The following CARMIL3 variants were observed in gnomAD, a reference collection of about 807,000 sequenced individuals.
The protein encoded by CARMIL3 is capping protein, Arp2/3 and myosin-I linker protein 3.
Under a neutral mutation model 180.8 loss-of-function variants are expected in CARMIL3, and 88 were observed. The observed-to-expected ratio is 0.49, with a 90% CI of 0.41 to 0.58. The LOEUF is 0.58. Among genes scored for constraint, CARMIL3 ranks in the 20% least tolerant of loss-of-function variants. The probability of loss-of-function intolerance (pLI) is 0.00; values close to 1 mark genes in which losing one functional copy is unlikely to be tolerated. For missense variants in CARMIL3, 1,548 were observed against 1,787.0 expected (o/e 0.87, Z 2.41); for synonymous variants, 696 against 714.5 (o/e 0.97, Z 0.41).
rs1276203472 is a variant in CARMIL3 at position 24,066,675 on chromosome 14, C to T, written c.3682+19C>T. 7 of 1,612,704 alleles carry T rather than the reference C, an allele frequency of 4.3e-6. No homozygotes were observed. The highest frequency in any genetic ancestry group is 5.9e-6 in the Non-Finnish European group (7 of 1,178,898). On this transcript the variant is annotated intron_variant, in intron 36 of 39. Transcript: ENST00000342740. ...CACATAGGTATGGAAAGCCTCTTTT[C>T]AGGCAGCAGTACTGAAAGCCCAGGG...
rs2035775186 is a variant in CARMIL3, at chr14:24,065,283, G to T, written c.3396+10G>T. On this transcript the variant is annotated intron_variant, in intron 33 of 39. Transcript: ENST00000342740. ...CTTCCGCCGGAAGATGGTAAGTGAGGCAGGGGGTGCTGTGTCTTCCCCTTT... is the reference window on the plus strand; with the variant it reads ...CTTCCGCCGGAAGATGGTAAGTGAGTCAGGGGGTGCTGTGTCTTCCCCTTT... 1 of 1,518,042 alleles carries T rather than the reference G, an allele frequency of 6.6e-7. No individual in the cohort carries two copies. Among genetic ancestry groups the T allele is most frequent in the Non-Finnish European group, 8.8e-7 (1 of 1,140,934 alleles). The allele number at this position is 1,518,042 out of a possible 1,614,324, so 94.0% of individuals were successfully genotyped here. A position where few individuals can be genotyped will look rare whatever the true frequency, so the allele number is the denominator to read the frequency against.
At position 24,066,479 on chromosome 14, in the gene CARMIL3, A is replaced by G; in HGVS notation, c.3592+15A>G. On this transcript the variant is annotated intron_variant, in intron 35 of 39. Transcript: ENST00000342740. ...AGACGACGCAGGTAAGAACAGTCAC[A>G]TTCAAAGCCCTTTTGGACCCCTCTC... The G allele has an allele frequency of 6.2e-7, 1 of 1,614,156 alleles. No homozygotes were observed. The highest frequency in any genetic ancestry group is 8.5e-7 in the Non-Finnish European group (1 of 1,179,974).
chr14:24,061,894 C>G lies in CARMIL3; in HGVS notation c.2480+222C>G. On this transcript the variant is annotated intron_variant, in intron 27 of 39. Transcript: ENST00000342740. This position sits in a 1 kb window ranked among gnomAD's most constrained non-coding sequence, Gnocchi z 4.1. ...TTTAGGAGCCAAGTTTGTGCCCACA[C>G]AGGTGTACACACACATACCCACACA... 1.8e-6 allele frequency: 1 copy of G among 553,520 alleles called. No homozygotes were observed. The highest frequency in any genetic ancestry group is 3.1e-5 in the East Asian group (1 of 32,142). 34.3% of individuals were successfully genotyped at this position (553,520 alleles called of 1,614,324 possible).
rs570077108 is a variant in CARMIL3 at position 24,057,092 on chromosome 14, T to C, written c.1062+68T>C. The C allele has an allele frequency of 5.0e-6, 8 of 1,594,356 alleles. No homozygotes were observed. In the South Asian group the frequency reaches 9.0e-5, roughly 18 times the overall value. On this transcript the variant is annotated intron_variant, in intron 13 of 39. Transcript: ENST00000342740. ...TTAAGCTTCAGGAGCTGGGAGGCCT[T>C]CTGCCCCATGGCCTCTGGGGGTGGC...
chr14:24,060,487 C>A, intron 24 of CARMIL3, 141 bp from the exon 25 acceptor site: 3 of 1,314,566 alleles, frequency 2.3e-6, no homozygotes, highest in East Asian at 2.3e-5. Context: ...TTCAAGAAGG[C>A]TGTAGCAATG....
rs2035714155 is a variant in CARMIL3, at chr14:24,059,879, C to T, written c.1869-91C>T. ...GGCCATGGAAGACAGAAATGATGAG[C>T]AAGGGGGCTGGAGGGCTGCTCACCA... On this transcript the variant is annotated intron_variant, in intron 22 of 39. Coordinates refer to ENST00000342740, the MANE Select transcript of CARMIL3 (RefSeq NM_138360.4). This position sits in a 1 kb window ranked among gnomAD's most constrained non-coding sequence, Gnocchi z 6.3. 6 of 1,539,706 alleles carry T rather than the reference C, an allele frequency of 3.9e-6. No individual in the cohort carries two copies. The highest frequency in any genetic ancestry group is 5.4e-6 in the Non-Finnish European group (6 of 1,114,994).
At position 24,059,647 on chromosome 14, in the gene CARMIL3, G is replaced by A. The variant is rs2035711575; in HGVS notation, c.1800-17G>A. ...CCAGGAGGAGAGGTGCCAAACTGGT[G>A]CTTACCCTCCCCCCAGAACTATCCT... On this transcript the variant is annotated splice_polypyrimidine_tract_variant and intron_variant, in intron 21 of 39. Transcript: ENST00000342740. This position sits in a 1 kb window ranked among gnomAD's most constrained non-coding sequence, Gnocchi z 6.3. 1 of 1,613,794 alleles carries A rather than the reference G, an allele frequency of 6.2e-7. No homozygotes were observed. The highest frequency in any genetic ancestry group is 8.5e-7 in the Non-Finnish European group (1 of 1,179,878).
chr14:24,057,088 GC>G (rs1378572421), intron 13 of CARMIL3, 64 bp downstream of exon 13: 1 of 1,593,584 alleles, frequency 6.3e-7, no homozygotes, highest in African/African-American at 1.3e-5. Flanking sequence ...GAGCTGGGAG[GC>G]CTTCTGCCCC....
In CARMIL3 at chr14:24,065,655, C is replaced by T; in HGVS notation, c.3430C>T (p.Pro1144Ser). Reference sequence around the variant, plus strand: ...GGGGTCAGAGCCAGGGGAGGGGGGCCCAGCCCCTGGGACAGCACAGCAGCC... The same window carrying T: ...GGGGTCAGAGCCAGGGGAGGGGGGCTCAGCCCCTGGGACAGCACAGCAGCC... ...TEGSEPGEGG[P>S]APGTAQQPRV... Residue 1144 changes from proline to serine, a missense_variant, in exon 34 of 40, where the codon CCA (proline) becomes TCA (serine). By Grantham distance (74) the Pro-to-Ser change is moderately conservative. This residue lies in a region of CARMIL3 where 668 missense variants were observed against 687.8 expected (regional missense o/e 0.97). Transcript: ENST00000342740. 1 of 1,613,200 alleles carries T rather than the reference C, an allele frequency of 6.2e-7. No individual in the cohort carries two copies. Among genetic ancestry groups the T allele is most frequent in the Non-Finnish European group, 8.5e-7 (1 of 1,179,550 alleles).
rs762157912 is a variant in CARMIL3 at position 24,055,242 on chromosome 14, G to A, written c.537G>A (p.Val179=). 10 of 1,614,050 alleles carry A rather than the reference G, an allele frequency of 6.2e-6. No homozygotes were observed. The highest frequency in any genetic ancestry group is 1.6e-4 in the Middle Eastern group (1 of 6,084). Residue 179 remains valine (V), a synonymous_variant, in exon 8 of 40, where the codon GTG becomes GTA. Transcript: ENST00000342740. The part of the protein sequence containing the change: ...LHCREEVQWD[V]DTIYHAEDNR... ...GCCAGTTCCACCTCTCCAAGGATGT[G>A]GACACCATCTACCATGCTGAAGATA... is the stretch of plus-strand genomic sequence containing the variant.
rs2035652842 is a variant in CARMIL3, at chr14:24,054,525, A to T, written c.362+14A>T. 1.9e-6 allele frequency: 3 copies of T among 1,601,848 alleles called. No homozygotes were observed. The East Asian group carries it at 6.7e-5, about 36-fold the overall frequency. On this transcript the variant is annotated intron_variant, in intron 5 of 39. Coordinates refer to ENST00000342740, the MANE Select transcript of CARMIL3 (RefSeq NM_138360.4). This position sits in a 1 kb window ranked among gnomAD's most constrained non-coding sequence, Gnocchi z 5.1. ...CCCTGGCCCTGGGTGAGTGGCAAAT[A>T]AGGGGTCTCTTAAGGCATTAGATGA...
Position 24,054,103 on chromosome 14 carries a change from C to G in CARMIL3, c.151C>G (p.Arg51Gly). Residue 51 changes from arginine (R) to glycine (G), a missense_variant, in exon 3 of 40, where the codon CGC (arginine) becomes GGC (glycine). Transcript: ENST00000342740. The surrounding 1 kb of genome is among the most constrained non-coding windows in gnomAD (Gnocchi z 5.1). Reference protein sequence around the residue: ...EDRVLALTSWRLHLFLLKVPA... With the variant: ...EDRVLALTSWGLHLFLLKVPA... ...CTCTCTGTAGGCCCTGACCTCCTGG[C>G]GCCTCCACCTCTTCCTCCTTAAAGT... is the stretch of plus-strand genomic sequence containing the variant. The G allele has an allele frequency of 6.2e-7, 1 of 1,613,916 alleles. No homozygotes were observed. Among genetic ancestry groups the G allele is most frequent in the Non-Finnish European group, 8.5e-7 (1 of 1,180,016 alleles).
chr14:24,057,250 G>A lies in CARMIL3; in HGVS notation c.1140+6G>A. 6.2e-7 allele frequency: 1 copy of A among 1,613,418 alleles called. No homozygotes were observed. Among genetic ancestry groups the A allele is most frequent in the Non-Finnish European group, 8.5e-7 (1 of 1,179,674 alleles). On this transcript the variant is annotated splice_donor_region_variant and intron_variant, in intron 14 of 39. Transcript: ENST00000342740. ...CTGACTGCGTCATCGACTTGGTGAG[G>A]AGTTGGTGATGGGAAGCCAGTCTGA...
intron 29 of CARMIL3, 34 bp from the exon 30 acceptor site, chr14:24,063,086 T>C (rs199960883): frequency 1.9e-6 from 3 of 1,606,420 alleles, no homozygotes; most frequent in East Asian, 4.5e-5. Flanking sequence ...CTGGGTGAGG[T>C]GCCTGGCCCT....
chr14:24,060,543 A>C, intron 24 of CARMIL3, 85 bp from the exon 25 acceptor site: 1 of 1,544,014 alleles, frequency 6.5e-7, no homozygotes, highest in Non-Finnish European at 8.8e-7. Context: ...TGTCGGTGCC[A>C]GCACCAGTAG....
rs1191949051 is a variant in CARMIL3, at chr14:24,054,846, C to T, written c.460+38C>T. The T allele has an allele frequency of 1.3e-6, 2 of 1,582,086 alleles. No individual in the cohort carries two copies. Among genetic ancestry groups the T allele is most frequent in the Non-Finnish European group, 1.7e-6 (2 of 1,153,336 alleles). On this transcript the variant is annotated intron_variant, in intron 6 of 39. Transcript: ENST00000342740. The surrounding 1 kb of genome is among the most constrained non-coding windows in gnomAD (Gnocchi z 5.1). ...AGATGTGAGGAAAGTAGGCGCTCCACCATCTTGCCCCATGATCAGAGCCCT... is the reference window on the plus strand; with the variant it reads ...AGATGTGAGGAAAGTAGGCGCTCCATCATCTTGCCCCATGATCAGAGCCCT...
intron 27 of CARMIL3, 130 bp from the exon 28 acceptor site, chr14:24,062,350 C>A (rs1322852424): frequency 4.8e-6 from 4 of 837,174 alleles, no homozygotes; most frequent in Non-Finnish European, 8.3e-6. Flanking sequence ...TCAGCAGCCA[C>A]ATGCGCTCCA....
rs35625248 is a variant in CARMIL3, at chr14:24,065,618, C to G, written c.3397-4C>G. 31,769 of 1,606,060 alleles carry G rather than the reference C, an allele frequency of 0.02. 390 individuals carry two copies. Among genetic ancestry groups the G allele is most frequent in the Non-Finnish European group, 0.023 (27,116 of 1,176,892 alleles). ...CTGCTAATAAATAAGAGACCTTGTT[C>G]TAGGGCACTGAGGGGTCAGAGCCAG... On this transcript the variant is annotated splice_polypyrimidine_tract_variant and splice_region_variant and intron_variant, in intron 33 of 39. Coordinates refer to ENST00000342740, the MANE Select transcript of CARMIL3 (RefSeq NM_138360.4).
rs1029625184 is a variant in CARMIL3 at position 24,058,166 on chromosome 14, A to G, written c.1334A>G (p.Gln445Arg). 18 of 1,613,852 alleles carry G rather than the reference A, an allele frequency of 1.1e-5. No individual in the cohort carries two copies. The East Asian group carries it at 4.0e-4, about 36-fold the overall frequency. ...LPLEALRALLQGLSLNSHLSD... is the reference protein window; with the variant it reads ...LPLEALRALLRGLSLNSHLSD... ...CCTCCCTCCCACAGGGCGCTGCTTCAGGGCCTCTCCCTCAACAGTCACCTC... is the reference window on the plus strand; with the variant it reads ...CCTCCCTCCCACAGGGCGCTGCTTCGGGGCCTCTCCCTCAACAGTCACCTC... The change falls in exon 17 of 40, where the codon CAG (glutamine) becomes CGG (arginine). Residue 445 changes from glutamine to arginine, a missense_variant. Physicochemically the swap from Gln to Arg is conservative, Grantham distance 43 (BLOSUM62 1). This residue lies in a region of CARMIL3 where 578 missense variants were observed against 666.5 expected (regional missense o/e 0.87). Transcript: ENST00000342740. This position sits in a 1 kb window ranked among gnomAD's most constrained non-coding sequence, Gnocchi z 6.4.
Sources: allele counts gnomAD v4.1 joint callset, GRCh38; gene constraint gnomAD v4.1.1; regional missense constraint gnomAD v4.1.1; non-coding constraint Gnocchi (gnomAD v3.1); transcripts MANE v1.5; gene names NCBI Gene and HGNC (gene_info 2026-07-23, HGNC 2026-07-21).